The following CTNNA3 variants were observed in gnomAD, a reference collection of about 807,000 sequenced individuals.
The protein encoded by CTNNA3 is catenin alpha 3.
In CTNNA3, 76 loss-of-function variants were observed where a neutral mutation model predicts 95.7. The observed-to-expected ratio is 0.79, with a 90% CI of 0.66 to 0.96. The LOEUF is 0.96. Ranked by LOEUF, CTNNA3 falls within the 40% of genes least tolerant of loss-of-function variation. The pLI, the probability that CTNNA3 is intolerant of heterozygous loss-of-function variation, is 0.00. For missense variants in CTNNA3, 1,191 were observed against 1,089.8 expected (o/e 1.09, Z -1.31); for synonymous variants, 431 against 374.4 (o/e 1.15, Z -1.74).
At chr10:67,237,184 T>A (rs1865524990) in intron 5 of CTNNA3, among the ~76,000 whole-genome samples, 1 of 103,672 alleles carries the variant, frequency 9.6e-6, no homozygotes, top group African/African-American at 3.3e-5. Context: ...ACACACACAA[T>A]GGAATACTAC....
chr10:66,307,502 C>T (rs1049073877), intron 12 of CTNNA3, among the ~76,000 whole-genome samples: 1 of 152,210 alleles, frequency 6.6e-6, no homozygotes, highest in Non-Finnish European at 1.5e-5. Context: ...ATGTAAGTGG[C>T]TCCAGTCATC....
chr10:66,122,627 A>G (rs1004366249), intron 13 of CTNNA3, among the ~76,000 whole-genome samples: 1 of 152,236 alleles, frequency 6.6e-6, no homozygotes, highest in Non-Finnish European at 1.5e-5. Context: ...ATCAGAAACC[A>G]TGTGTAAACC....
chr10:67,230,175 A>G (rs1865121247), intron 5 of CTNNA3, among the ~76,000 whole-genome samples: 1 of 152,188 alleles, frequency 6.6e-6, no homozygotes, highest in African/African-American at 2.4e-5. Flanking sequence ...CCAAATACTT[A>G]AAGCCAACTC....
At chr10:66,115,641 A>ATT (rs1282808409) in intron 13 of CTNNA3, among the ~76,000 whole-genome samples, 12 of 151,986 alleles carry the variant, frequency 7.9e-5, no homozygotes, top group African/African-American at 2.9e-4. Context: ...ATAGAGATAT[A>ATT]AACTGACACG....
chr10:66,335,260 C>A (rs1428543290), intron 12 of CTNNA3, among the ~76,000 whole-genome samples: 1 of 152,118 alleles, frequency 6.6e-6, no homozygotes, highest in South Asian at 2.1e-4. Flanking sequence ...CACCTTTGTT[C>A]CATTGCTGGT....
In CTNNA3 at chr10:67,217,600, C is replaced by T. The variant is rs561937865; in HGVS notation, c.843+2007G>A. Among the ~76,000 whole-genome samples, 11 of 152,302 alleles carry T rather than the reference C, an allele frequency of 7.2e-5. No homozygotes were observed. In the South Asian group the frequency reaches 2.3e-3, roughly 32 times the overall value. ...GTTACACACATAACACGCACACTTT[C>T]TCCTCCTCTCCAACCACTGCCATTT... is the stretch of plus-strand genomic sequence containing the variant. On this transcript the variant is annotated intron_variant, in intron 6 of 17. Coordinates refer to ENST00000433211, the MANE Select transcript of CTNNA3 (RefSeq NM_013266.4).
chr10:67,145,390 G>T (rs1860790191), intron 7 of CTNNA3, among the ~76,000 whole-genome samples: 2 of 151,640 alleles, frequency 1.3e-5, no homozygotes, highest in Admixed American at 1.3e-4. Flanking sequence ...GGAAACCTTG[G>T]TAATAAAGGA....
chr10:66,448,598 G>A (rs1039696374), intron 11 of CTNNA3, among the ~76,000 whole-genome samples: 3 of 148,420 alleles, frequency 2.0e-5, no homozygotes, highest in Non-Finnish European at 4.4e-5. Context: ...AACACTGCAT[G>A]TTCTCACTCA....
intron 7 of CTNNA3, among the ~76,000 whole-genome samples, chr10:66,972,876 A>G (rs1021835343): frequency 6.6e-6 from 1 of 152,004 alleles, no homozygotes; most frequent in Non-Finnish European, 1.5e-5. Flanking sequence ...ACGCCTGGCT[A>G]ATTGTCTGTA....
intron 5 of CTNNA3, among the ~76,000 whole-genome samples, chr10:67,478,952 AC>A (rs549767425): frequency 3.7e-4 from 57 of 152,224 alleles, no homozygotes; most frequent in African/African-American, 1.2e-3. Context: ...AAACAAAAAA[AC>A]GGCGGGAGTT....
Position 67,576,643 on chromosome 10 carries a change from T to C in CTNNA3, c.292+30214A>G, listed in dbSNP as rs539294640. Among the ~76,000 whole-genome samples, 466 of 146,442 alleles carry C rather than the reference T, an allele frequency of 3.2e-3. 1 individual carries two copies. The highest frequency in any genetic ancestry group is 0.028 in the Middle Eastern group (8 of 290). On this transcript the variant is annotated intron_variant, in intron 3 of 17. Coordinates refer to ENST00000433211, the MANE Select transcript of CTNNA3 (RefSeq NM_013266.4). ...TATGTATACATGTGCCATGCTGGTG[T>C]GCTGCACCCATTAACTTGTCATTTA...
At chr10:67,581,987 T>G (rs1344775409) in intron 3 of CTNNA3, among the ~76,000 whole-genome samples, 1 of 152,130 alleles carries the variant, frequency 6.6e-6, no homozygotes, top group Non-Finnish European at 1.5e-5. Context: ...CTATCAATTT[T>G]GTTGATCCTT....
chr10:66,411,620 C>T (rs2093106198), intron 11 of CTNNA3, among the ~76,000 whole-genome samples: 1 of 151,894 alleles, frequency 6.6e-6, no homozygotes, highest in Non-Finnish European at 1.5e-5. Flanking sequence ...AGACAAAGTT[C>T]CTAAGCAAGA....
chr10:66,180,580 G>A (rs66921337), intron 13 of CTNNA3, among the ~76,000 whole-genome samples: 3 of 152,198 alleles, frequency 2.0e-5, no homozygotes, highest in Admixed American at 6.5e-5. Context: ...AAATTCTGGA[G>A]CCCTGAAGCA....
chr10:67,560,176 A>G (rs1589426176), intron 3 of CTNNA3, among the ~76,000 whole-genome samples: 1 of 152,134 alleles, frequency 6.6e-6, no homozygotes, highest in African/African-American at 2.4e-5. Flanking sequence ...ACTCCAAGAC[A>G]CATAATTGTT....
intron 10 of CTNNA3, among the ~76,000 whole-genome samples, chr10:66,526,181 C>A (rs966164640): frequency 6.6e-6 from 1 of 151,936 alleles, no homozygotes; most frequent in South Asian, 2.1e-4. Flanking sequence ...AATGGAATTG[C>A]TGGATTATAT....
chr10:66,250,559 A>G (rs917267118), intron 13 of CTNNA3, among the ~76,000 whole-genome samples: 1 of 152,222 alleles, frequency 6.6e-6, no homozygotes, highest in African/African-American at 2.4e-5. Context: ...CCTACTATGT[A>G]CTCTCTACAA....
chr10:67,036,042 T>C (rs1004874773), intron 7 of CTNNA3, among the ~76,000 whole-genome samples: 1 of 152,206 alleles, frequency 6.6e-6, no homozygotes, highest in Non-Finnish European at 1.5e-5. Context: ...GCTACTGAAT[T>C]TGCATCTTCT....
intron 7 of CTNNA3, among the ~76,000 whole-genome samples, chr10:67,002,527 GA>G (rs989675224): frequency 6.6e-5 from 10 of 151,736 alleles, no homozygotes; most frequent in South Asian, 2.1e-4. Flanking sequence ...AAAACAAAAA[GA>G]AAAAAAATTC....
Sources: allele counts gnomAD v4.1 joint callset (sites outside exome capture counted in the v4.1 genomes callset), GRCh38; gene constraint gnomAD v4.1.1; transcripts MANE v1.5; gene names NCBI Gene and HGNC (gene_info 2026-07-23, HGNC 2026-07-21).